PPP2R2B: variants seen among roughly 807,000 people sequenced by gnomAD.
PPP2R2B encodes the protein serine/threonine-protein phosphatase 2A 55 kDa regulatory subunit B beta isoform.
PPP2R2B carries 5 observed loss-of-function variants against 46.0 expected under a neutral mutation model. The observed-to-expected ratio is 0.11, with a 90% confidence interval of 0.06 to 0.23. PPP2R2B has a LOEUF of 0.23. PPP2R2B is among the 10% of genes least tolerant of loss of function. The pLI, the probability that PPP2R2B is intolerant of heterozygous loss-of-function variation, is 1.00. For missense variants in PPP2R2B, 367 were observed against 575.0 expected, an observed-to-expected ratio of 0.64 and a Z score of 3.70; for synonymous variants, 215 against 206.7, an observed-to-expected ratio of 1.04 and a Z score of -0.34.
At chr5:146,919,593 G>T (rs893697169) in intron 1 of PPP2R2B, 3 of 152,150 alleles carry the variant, frequency 2.0e-5, no homozygotes, top group African/African-American at 4.8e-5. Context: ...TCTGTCTTCC[G>T]CACATTCTCC....
chr5:146,678,806 G>T (rs1777922486), intron 5 of PPP2R2B, among the ~76,000 whole-genome samples: 1 of 123,810 alleles, frequency 8.1e-6, no homozygotes, highest in Non-Finnish European at 1.6e-5. Context: ...GCTTCAAAGA[G>T]AATAAAATAC....
chr5:146,977,616 A>C (rs1367342267), intron 1 of PPP2R2B, among the ~76,000 whole-genome samples: 2 of 152,186 alleles, frequency 1.3e-5, no homozygotes, highest in South Asian at 2.1e-4. Flanking sequence ...ATGAGTGAGA[A>C]CATGCAGCGT....
At chr5:147,058,837 G>C (rs1757171261), upstream of PPP2R2B, among the ~76,000 whole-genome samples, 1 of 152,100 alleles carries the variant, frequency 6.6e-6, no homozygotes. Flanking sequence ...AACAGGCTGA[G>C]GGAATATAAT....
intron 2 of PPP2R2B, among the ~76,000 whole-genome samples, chr5:146,874,256 T>C (rs1261057803): frequency 6.6e-6 from 1 of 152,342 alleles, no homozygotes; most frequent in Non-Finnish European, 1.5e-5. Flanking sequence ...CACGTCTGTA[T>C]TGGAACATCC....
At chr5:146,643,569 A>G (rs1386398475) in intron 6 of PPP2R2B, among the ~76,000 whole-genome samples, 5 of 152,318 alleles carry the variant, frequency 3.3e-5, no homozygotes, top group Admixed American at 6.5e-5. Flanking sequence ...GAATGACACA[A>G]TGGACTTTGG....
chr5:146,906,978 A>G (rs1303356839), intron 1 of PPP2R2B, among the ~76,000 whole-genome samples: 1 of 152,204 alleles, frequency 6.6e-6, no homozygotes, highest in Non-Finnish European at 1.5e-5. Context: ...AGACAGGATG[A>G]GTAACACAGG....
At chr5:146,735,585 G>A (rs1647414198) in intron 2 of PPP2R2B, among the ~76,000 whole-genome samples, 2 of 152,114 alleles carry the variant, frequency 1.3e-5, no homozygotes, top group Admixed American at 1.3e-4. Context: ...GGGAAAAAAA[G>A]AGTCTCACAC....
intron 1 of PPP2R2B, among the ~76,000 whole-genome samples, chr5:146,944,454 C>T (rs926079972): frequency 6.6e-6 from 1 of 152,160 alleles, no homozygotes; most frequent in Non-Finnish European, 1.5e-5. Context: ...TCAGAGAAAT[C>T]ACAAGATTAA....
At chr5:146,885,615 A>T (rs979772484) in intron 1 of PPP2R2B, among the ~76,000 whole-genome samples, 1 of 152,242 alleles carries the variant, frequency 6.6e-6, no homozygotes, top group African/African-American at 2.4e-5. Context: ...TTTCACTTCT[A>T]TGTATATATT....
intron 1 of PPP2R2B, among the ~76,000 whole-genome samples, chr5:146,893,736 A>G (rs990642830): frequency 1.3e-5 from 2 of 152,118 alleles, no homozygotes; most frequent in Non-Finnish European, 2.9e-5. Flanking sequence ...AAAGGTGGGG[A>G]GAGCATTAGG....
At chr5:146,777,736 T>C (rs1272092474) in intron 2 of PPP2R2B, among the ~76,000 whole-genome samples, 1 of 152,190 alleles carries the variant, frequency 6.6e-6, no homozygotes, top group Non-Finnish European at 1.5e-5. Context: ...AGTTTTTCTA[T>C]GCACAATTGA....
intron 5 of PPP2R2B, among the ~76,000 whole-genome samples, chr5:146,667,503 G>A (rs1777075507): frequency 6.6e-6 from 1 of 151,800 alleles, no homozygotes; most frequent in Non-Finnish European, 1.5e-5. Flanking sequence ...AAAGAAGAAA[G>A]CAGGGAGGTG....
At chr5:146,639,370 C>T (rs1247467242) in intron 6 of PPP2R2B, among the ~76,000 whole-genome samples, 1 of 151,878 alleles carries the variant, frequency 6.6e-6, no homozygotes, top group African/African-American at 2.4e-5. Flanking sequence ...AAGAATTATA[C>T]CTCTATTTTT....
intron 7 of PPP2R2B, among the ~76,000 whole-genome samples, chr5:146,633,654 G>A (rs1774589731): frequency 6.6e-6 from 1 of 152,260 alleles, no homozygotes; most frequent in South Asian, 2.1e-4. Flanking sequence ...GGAGGACAGG[G>A]CTGGGCAGAG....
intron 1 of PPP2R2B, among the ~76,000 whole-genome samples, chr5:146,896,663 AT>A (rs1373802318): frequency 6.6e-6 from 1 of 151,916 alleles, no homozygotes; most frequent in South Asian, 2.1e-4. Context: ...TTGTTGTTTA[AT>A]TTTTTAAGCC....
intron 1 of PPP2R2B, among the ~76,000 whole-genome samples, chr5:146,937,369 G>A (rs1008840970): frequency 3.9e-5 from 6 of 152,014 alleles, no homozygotes; most frequent in African/African-American, 1.4e-4. Flanking sequence ...TGGCAGAGCT[G>A]GGATGGGGCC....
At chr5:146,742,978 T>C (rs765906548) in intron 2 of PPP2R2B, among the ~76,000 whole-genome samples, 9 of 152,196 alleles carry the variant, frequency 5.9e-5, no homozygotes, top group Admixed American at 1.3e-4. Flanking sequence ...TGTTTCTCTG[T>C]CATAGCCTTA....
At chr5:146,894,797 C>A (rs1173425839) in intron 1 of PPP2R2B, among the ~76,000 whole-genome samples, 2 of 152,164 alleles carry the variant, frequency 1.3e-5, no homozygotes, top group African/African-American at 4.8e-5. Context: ...TCATTCTCCT[C>A]CTCACTCTGC....
chr5:146,697,530 A>T (rs185554226), intron 4 of PPP2R2B, among the ~76,000 whole-genome samples: 44 of 152,304 alleles, frequency 2.9e-4, no homozygotes, highest in Admixed American at 1.5e-3. Flanking sequence ...CCTATCATAG[A>T]AGTTAATTTT....
Sources: gnomAD v4.1 joint callset for allele counts (sites outside exome capture counted in the v4.1 genomes callset) on GRCh38, gnomAD v4.1.1 for gene constraint, MANE v1.5 for transcripts, NCBI Gene and HGNC (gene_info 2026-07-23, HGNC 2026-07-21) for gene names.